The following WDR93 variants were observed in gnomAD, a reference collection of about 807,000 sequenced individuals.
WDR93 encodes the protein WD repeat-containing protein 93.
A neutral mutation model predicts 82.9 loss-of-function variants in WDR93; 73 were observed. The ratio of observed to expected loss-of-function variants is 0.88; its 90% CI spans 0.73 to 1.07. The LOEUF (loss-of-function observed/expected upper bound fraction) is 1.07, where lower values mean the gene tolerates loss of function less well. Ranked by LOEUF, WDR93 falls within the 50% of genes least tolerant of loss-of-function variation. The pLI, the probability that WDR93 is intolerant of heterozygous loss-of-function variation, is 0.00. For synonymous variants in WDR93, 283 were observed against 300.1 expected, an observed-to-expected ratio of 0.94 and a Z score of 0.59; for missense variants, 738 against 826.0, an observed-to-expected ratio of 0.89 and a Z score of 1.31.
At chr15:89,698,033 C>T (rs1965272463) in intron 1 of WDR93, among the ~76,000 whole-genome samples, 1 of 151,792 alleles carries the variant, frequency 6.6e-6, no homozygotes, top group Non-Finnish European at 1.5e-5. Context: ...GCGCCTACCA[C>T]CACGCCCGGC....
chr15:89,718,725 C>T (rs958771309), intron 7 of WDR93, among the ~76,000 whole-genome samples: 1 of 152,156 alleles, frequency 6.6e-6, no homozygotes, highest in Non-Finnish European at 1.5e-5. Context: ...AGATAAACAG[C>T]CCTCTCCAGA....
intron 1 of WDR93, among the ~76,000 whole-genome samples, chr15:89,692,975 G>A (rs1157536004): frequency 3.9e-5 from 6 of 152,096 alleles, no homozygotes; most frequent in South Asian, 4.1e-4. Context: ...CATATAGTAT[G>A]TAGCGTTTTC....
chr15:89,735,514 C>T lies in WDR93; in HGVS notation c.1569C>T (p.Thr523=). The stretch of plus-strand genomic sequence containing the variant: ...GGCCTGTAAAGCACCTGGATAAAAC[C>T]ATCTGTGCCGTGGCCCCAGTCCCAG... The part of the protein sequence containing the change: ...VERPVKHLDK[T]ICAVAPVPAL... Residue 523 remains threonine, a synonymous_variant, in exon 14 of 17, where the codon ACC becomes ACT. Transcript: ENST00000268130. 2 of 1,614,116 alleles carry T rather than the reference C, an allele frequency of 1.2e-6. No homozygotes were observed. The highest frequency in any genetic ancestry group is 1.7e-6 in the Non-Finnish European group (2 of 1,180,000).
chr15:89,733,987 T>A (rs1484586636), intron 13 of WDR93, among the ~76,000 whole-genome samples: 2 of 151,160 alleles, frequency 1.3e-5, no homozygotes, highest in Admixed American at 1.3e-4. Flanking sequence ...CAAATGAACC[T>A]GTATAATGTG....
At chr15:89,714,661 A>G (rs1277285313) in intron 5 of WDR93, among the ~76,000 whole-genome samples, 2 of 152,142 alleles carry the variant, frequency 1.3e-5, no homozygotes, top group Non-Finnish European at 2.9e-5. Flanking sequence ...ACCATTTGCA[A>G]CAAAGAAAAT....
intron 3 of WDR93, chr15:89,705,262 T>C: frequency 5.1e-6 from 2 of 392,344 alleles, no homozygotes; most frequent in South Asian, 5.6e-5. Flanking sequence ...ATCAGGCAGA[T>C]AGGAATCAAC....
chr15:89,705,822 T>C (rs1965702803), intron 4 of WDR93, among the ~76,000 whole-genome samples: 2 of 152,216 alleles, frequency 1.3e-5, no homozygotes, highest in Non-Finnish European at 1.5e-5. Flanking sequence ...AGTTACCCTG[T>C]TGTCAAGAAA....
intron 6 of WDR93, 67 bp downstream of exon 6, chr15:89,715,162 C>T (rs1966192175): frequency 7.0e-7 from 1 of 1,427,972 alleles, no homozygotes; most frequent in East Asian, 2.3e-5. Context: ...TAGCCCAAGT[C>T]CTTGGAAACT....
chr15:89,730,062 C>T (rs1313750719), intron 11 of WDR93, among the ~76,000 whole-genome samples: 1 of 152,204 alleles, frequency 6.6e-6, no homozygotes, highest in African/African-American at 2.4e-5. Context: ...CAATGGCTCA[C>T]GCCTATAATC....
intron 1 of WDR93, among the ~76,000 whole-genome samples, chr15:89,694,587 A>C (rs8035597): frequency 0.31 from 47,249 of 152,106 alleles, 7,802 homozygotes; most frequent in African/African-American, 0.39. Context: ...ACTCTGGACA[A>C]AAGTACTTTA....
intron 6 of WDR93, among the ~76,000 whole-genome samples, chr15:89,715,647 G>A (rs982117712): frequency 1.3e-5 from 2 of 151,970 alleles, no homozygotes; most frequent in Non-Finnish European, 2.9e-5. Context: ...GCAGTGGTGC[G>A]ATCTCTGCTC....
At position 89,691,427 on chromosome 15, in the gene WDR93, A is replaced by C. The variant is rs911351239; in HGVS notation, c.-41+570A>C. On this transcript the variant is annotated intron_variant, in intron 1 of 16. Transcript: ENST00000268130. The stretch of plus-strand genomic sequence containing the variant: ...TATAAAATGTACCCTCTATAACCAC[A>C]AAATAAGGTCGGCCGGTGCTGTGGC... Among the ~76,000 whole-genome samples the C allele has an allele frequency of 2.0e-5, 3 of 152,240 alleles. No homozygotes were observed. The East Asian group carries it at 5.8e-4, about 29-fold the overall frequency.
At chr15:89,737,545 C>G in intron 14 of WDR93, 28 bp from the exon 15 acceptor site, 1 of 1,613,536 alleles carries the variant, frequency 6.2e-7, no homozygotes, top group Non-Finnish European at 8.5e-7. Flanking sequence ...CCAGTAGAAG[C>G]CCCCCTCACC....
chr15:89,690,524 C>T, upstream of WDR93: 1 of 1,394,538 alleles, frequency 7.2e-7, no homozygotes, highest in South Asian at 1.2e-5. Flanking sequence ...GGAATAGGCA[C>T]GGGAGCCGAG....
At chr15:89,718,755 T>G (rs764460207) in intron 7 of WDR93, among the ~76,000 whole-genome samples, 2 of 152,092 alleles carry the variant, frequency 1.3e-5, no homozygotes, top group Non-Finnish European at 2.9e-5. Context: ...CATTATTAGC[T>G]TGACATGTTT....
At chr15:89,739,794 CATA>C (rs1187405678) in intron 16 of WDR93, among the ~76,000 whole-genome samples, 6 of 152,168 alleles carry the variant, frequency 3.9e-5, no homozygotes, top group African/African-American at 1.4e-4. Flanking sequence ...CTCCAATCAC[CATA>C]ATGTCTCTTC....
At chr15:89,734,276 C>T (rs998756418) in intron 13 of WDR93, among the ~76,000 whole-genome samples, 3 of 152,148 alleles carry the variant, frequency 2.0e-5, no homozygotes, top group African/African-American at 4.8e-5. Context: ...GGACTCAGTC[C>T]GTTTCTTCTA....
intron 16 of WDR93, among the ~76,000 whole-genome samples, chr15:89,742,587 G>A (rs1967768373): frequency 6.6e-6 from 1 of 152,042 alleles, no homozygotes; most frequent in Admixed American, 6.6e-5. Flanking sequence ...AGGCTGGAGT[G>A]CAATGGTGCT....
chr15:89,733,474 T>C (rs971022124), intron 13 of WDR93, among the ~76,000 whole-genome samples: 2 of 152,136 alleles, frequency 1.3e-5, no homozygotes, highest in East Asian at 3.8e-4. Context: ...TCAATCCCCA[T>C]TGTGGCAGTA....
Sources: gnomAD v4.1 joint callset for allele counts (sites outside exome capture counted in the v4.1 genomes callset) on GRCh38, gnomAD v4.1.1 for gene constraint, MANE v1.5 for transcripts, NCBI Gene and HGNC (gene_info 2026-07-23, HGNC 2026-07-21) for gene names.